Variants in NCAM2 observed in about 807,000 individuals in gnomAD.
NCAM2 encodes the protein neural cell adhesion molecule 2.
NCAM2 carries 30 observed loss-of-function variants against 98.1 expected under a neutral mutation model. The observed-to-expected ratio is 0.31, with a 90% confidence interval of 0.23 to 0.41. The LOEUF (loss-of-function observed/expected upper bound fraction) is 0.41. Among genes scored for constraint, NCAM2 ranks in the 10% least tolerant of loss-of-function variants. The pLI, the probability that NCAM2 is intolerant of heterozygous loss-of-function variation, is 1.00. For synonymous variants in NCAM2, 368 were observed against 342.4 expected (o/e 1.07, Z -0.83); for missense variants, 867 against 1,005.8 (o/e 0.86, Z 1.87).
At chr21:21,105,420 A>G (rs186444524) in intron 1 of NCAM2, among the ~76,000 whole-genome samples, 3 of 152,264 alleles carry the variant, frequency 2.0e-5, no homozygotes, top group African/African-American at 7.2e-5. Context: ...GATATGAGAC[A>G]TTGATTAGAG....
chr21:21,021,882 T>A (rs1208494112), intron 1 of NCAM2, among the ~76,000 whole-genome samples: 4 of 152,172 alleles, frequency 2.6e-5, no homozygotes, highest in Non-Finnish European at 5.9e-5. Context: ...GCTTCTTACA[T>A]TCTAAGCTTT....
intron 1 of NCAM2, among the ~76,000 whole-genome samples, chr21:21,180,035 C>T (rs2068419017): frequency 6.6e-6 from 1 of 152,206 alleles, no homozygotes; most frequent in Non-Finnish European, 1.5e-5. Flanking sequence ...TGCCACTTGC[C>T]ATCTGGGAGA....
At chr21:21,390,532 A>G (rs1317579080) in intron 9 of NCAM2, among the ~76,000 whole-genome samples, 1 of 152,208 alleles carries the variant, frequency 6.6e-6, no homozygotes. Flanking sequence ...CATCAAGTGC[A>G]TTTCATAGTG....
chr21:21,188,478 C>G (rs919610285), intron 1 of NCAM2, among the ~76,000 whole-genome samples: 2 of 152,044 alleles, frequency 1.3e-5, no homozygotes, highest in South Asian at 2.1e-4. Context: ...CTATAACTAG[C>G]TATGGGTTAA....
intron 1 of NCAM2, among the ~76,000 whole-genome samples, chr21:21,035,591 C>T (rs1048744030): frequency 1.3e-5 from 2 of 152,100 alleles, no homozygotes; most frequent in African/African-American, 4.8e-5. Context: ...GGTGTTAAAT[C>T]TCATGATGTT....
intron 6 of NCAM2, among the ~76,000 whole-genome samples, chr21:21,328,468 C>A (rs767164836): frequency 6.6e-6 from 1 of 151,752 alleles, no homozygotes; most frequent in East Asian, 1.9e-4. Context: ...AGCTCCATGC[C>A]TGTTATTGCC....
intron 12 of NCAM2, among the ~76,000 whole-genome samples, chr21:21,444,809 G>A: frequency 6.6e-6 from 1 of 152,026 alleles, no homozygotes; most frequent in Non-Finnish European, 1.5e-5. Flanking sequence ...ATTTTTTGGA[G>A]TGTTTTTGGT....
intron 12 of NCAM2, among the ~76,000 whole-genome samples, chr21:21,437,136 GA>G (rs1446361832): frequency 6.6e-6 from 1 of 152,004 alleles, no homozygotes; most frequent in Non-Finnish European, 1.5e-5. Flanking sequence ...ACACACTTTT[GA>G]AAAGAGTGAA....
chr21:21,367,284 G>A (rs1183598781), intron 8 of NCAM2, among the ~76,000 whole-genome samples: 1 of 151,708 alleles, frequency 6.6e-6, no homozygotes, highest in East Asian at 1.9e-4. Flanking sequence ...TTGTTACATC[G>A]ATATATTACA....
chr21:21,070,267 GTATA>G (rs56050809), intron 1 of NCAM2, among the ~76,000 whole-genome samples: 16 of 145,198 alleles, frequency 1.1e-4, no homozygotes, highest in East Asian at 4.0e-4. Context: ...TGTACATAGT[GTATA>G]TATATATATA....
intron 8 of NCAM2, among the ~76,000 whole-genome samples, chr21:21,346,601 G>T (rs905825232): frequency 6.6e-6 from 1 of 151,836 alleles, no homozygotes; most frequent in Non-Finnish European, 1.5e-5. Flanking sequence ...TCAGCACATG[G>T]ATCATTTTCA....
At chr21:21,405,616 T>C (rs2076724072) in intron 9 of NCAM2, among the ~76,000 whole-genome samples, 2 of 152,182 alleles carry the variant, frequency 1.3e-5, no homozygotes, top group South Asian at 2.1e-4. Flanking sequence ...TAGGCAAATA[T>C]GTTTTAATGC....
intron 14 of NCAM2, among the ~76,000 whole-genome samples, chr21:21,472,054 T>C (rs750374865): frequency 3.9e-5 from 6 of 152,088 alleles, no homozygotes; most frequent in African/African-American, 7.2e-5. Context: ...TTTGTACTTA[T>C]AGTGTCAATG....
Position 21,168,230 on chromosome 21 carries a change from A to G in NCAM2, c.56-112348A>G, listed in dbSNP as rs567154373. Among the ~76,000 whole-genome samples the G allele has an allele frequency of 2.0e-5, 3 of 152,210 alleles. No homozygotes were observed. The South Asian group carries it at 6.2e-4, about 32-fold the overall frequency. On this transcript the variant is annotated intron_variant, in intron 1 of 17. Transcript: ENST00000400546. ...ACAGGATCCTAGATACAGAAAAAAA[A>G]TCTAATAAAATCCAACACCCATTCA... is the stretch of plus-strand genomic sequence containing the variant.
chr21:21,190,942 G>A (rs185913965), intron 1 of NCAM2, among the ~76,000 whole-genome samples: 37 of 152,136 alleles, frequency 2.4e-4, no homozygotes, highest in Admixed American at 2.3e-3. Flanking sequence ...ACAGTTAGTT[G>A]GATATCTTGT....
At chr21:21,114,789 C>CA (rs1440178773) in intron 1 of NCAM2, among the ~76,000 whole-genome samples, 1 of 151,764 alleles carries the variant, frequency 6.6e-6, no homozygotes, top group African/African-American at 2.4e-5. Flanking sequence ...CAAAACAAAA[C>CA]AAACCTGATT....
intron 1 of NCAM2, among the ~76,000 whole-genome samples, chr21:21,045,469 C>A (rs2064990158): frequency 6.6e-6 from 1 of 152,018 alleles, no homozygotes; most frequent in Admixed American, 6.6e-5. Context: ...CATAGTGAGA[C>A]CCCCATCTCT....
At chr21:21,125,375 T>C (rs552542718) in intron 1 of NCAM2, among the ~76,000 whole-genome samples, 188 of 146,736 alleles carry the variant, frequency 1.3e-3, no homozygotes, top group African/African-American at 4.5e-3. Flanking sequence ...ATATATGTAA[T>C]ATATAATATT....
chr21:21,322,337 C>G (rs2074397134), intron 5 of NCAM2, among the ~76,000 whole-genome samples: 1 of 152,074 alleles, frequency 6.6e-6, no homozygotes, highest in Admixed American at 6.6e-5. Flanking sequence ...GTCTGAAAAA[C>G]TACCTATTGG....
Sources: gnomAD v4.1 joint callset for allele counts (sites outside exome capture counted in the v4.1 genomes callset) on GRCh38, gnomAD v4.1.1 for gene constraint, MANE v1.5 for transcripts, NCBI Gene and HGNC (gene_info 2026-07-23, HGNC 2026-07-21) for gene names.